EPHA5: variants seen among roughly 807,000 people sequenced by gnomAD.
EPHA5 encodes EPH receptor A5, also known as ephrin type-A receptor 5.
A neutral mutation model predicts 105.0 loss-of-function variants in EPHA5; 60 were observed. That is an observed-to-expected ratio of 0.57 (90% CI 0.46 to 0.71). The LOEUF (loss-of-function observed/expected upper bound fraction) is 0.71. Among genes scored for constraint, EPHA5 ranks in the 30% least tolerant of loss-of-function variants. The probability of loss-of-function intolerance (pLI) is 0.00; values close to 1 mark genes in which losing one functional copy is unlikely to be tolerated. For missense variants in EPHA5, 1,218 were observed against 1,274.7 expected (o/e 0.96, Z 0.68); for synonymous variants, 513 against 449.1 (o/e 1.14, Z -1.80).
At chr4:65,391,708 G>A (rs1720731526) in intron 8 of EPHA5, among the ~76,000 whole-genome samples, 1 of 152,124 alleles carries the variant, frequency 6.6e-6, no homozygotes, top group Non-Finnish European at 1.5e-5. Flanking sequence ...GTCTTCTGGA[G>A]TGCCAGCCTG....
At chr4:65,464,849 A>G (rs1360084016) in intron 5 of EPHA5, among the ~76,000 whole-genome samples, 1 of 152,114 alleles carries the variant, frequency 6.6e-6, no homozygotes, top group African/African-American at 2.4e-5. Context: ...ATAGCATTTA[A>G]ATGAATTACA....
rs779988410 is a variant in EPHA5 at position 65,490,546 on chromosome 4, A to T, written c.1233T>A (p.His411Gln). 6.2e-7 allele frequency: 1 copy of T among 1,614,006 alleles called. No individual in the cohort carries two copies. Among genetic ancestry groups the T allele is most frequent in the African/African-American group, 1.3e-5 (1 of 74,906 alleles). ...CGCTTTGCCGGGGAAGGTACCTGAC[A>T]TGACCGCCACACTCCTCACACACAC... is the stretch of plus-strand genomic sequence containing the variant. The part of the protein sequence containing the change: ...HAGVCEECGG[H>Q]VRYLPRQSGL... The change falls in exon 5 of 17, where the codon CAT becomes CAA. Residue 411 changes from histidine to glutamine, a missense_variant. Around this residue, in one of 3 missense-constraint regions of EPHA5, gnomAD observed 971 missense variants for 1,013.5 expected, o/e 0.96. Transcript: ENST00000613740.
chr4:65,651,157 A>G (rs930770363), intron 1 of EPHA5, among the ~76,000 whole-genome samples: 10 of 152,206 alleles, frequency 6.6e-5, no homozygotes, highest in African/African-American at 2.2e-4. Context: ...GAACTGATAC[A>G]GTCATCGAGA....
At chr4:65,551,875 T>G (rs1481180671) in intron 3 of EPHA5, among the ~76,000 whole-genome samples, 1 of 152,200 alleles carries the variant, frequency 6.6e-6, no homozygotes, top group Admixed American at 6.6e-5. Flanking sequence ...AGCTAATGGT[T>G]AATAAATTAC....
intron 1 of EPHA5, among the ~76,000 whole-genome samples, chr4:65,659,789 A>G (rs1749402185): frequency 6.6e-6 from 1 of 152,144 alleles, no homozygotes; most frequent in African/African-American, 2.4e-5. Context: ...TTACCTGTTT[A>G]TGCTCACCTA....
chr4:65,506,891 T>C (rs1733085639), intron 3 of EPHA5, among the ~76,000 whole-genome samples: 3 of 152,200 alleles, frequency 2.0e-5, no homozygotes, highest in African/African-American at 7.2e-5. Context: ...ATTTTGGCTT[T>C]TGTTGCCATT....
intron 4 of EPHA5, among the ~76,000 whole-genome samples, chr4:65,492,585 A>G (rs1158730381): frequency 1.3e-5 from 2 of 151,326 alleles, no homozygotes; most frequent in African/African-American, 4.9e-5. Flanking sequence ...CCATGTTTGA[A>G]TCCTATGAAT....
intron 3 of EPHA5, among the ~76,000 whole-genome samples, chr4:65,529,785 T>C (rs1220589769): frequency 1.3e-5 from 2 of 152,154 alleles, no homozygotes; most frequent in Non-Finnish European, 2.9e-5. Context: ...TACATTAAAT[T>C]GGTATGATTG....
intron 2 of EPHA5, among the ~76,000 whole-genome samples, chr4:65,628,676 G>C (rs1746360429): frequency 6.6e-6 from 1 of 152,106 alleles, no homozygotes; most frequent in African/African-American, 2.4e-5. Context: ...AACTAGAGAA[G>C]TTTGTTTAAT....
intron 16 of EPHA5, chr4:65,331,761 T>G: frequency 8.1e-7 from 1 of 1,234,150 alleles, no homozygotes; most frequent in Non-Finnish European, 1.0e-6. Context: ...ATGCCAATGT[T>G]ATTTGTTTGA....
intron 1 of EPHA5, among the ~76,000 whole-genome samples, chr4:65,659,168 C>T (rs563127183): frequency 6.6e-6 from 1 of 151,840 alleles, no homozygotes; most frequent in South Asian, 2.1e-4. Flanking sequence ...AAACTCTCCT[C>T]TATTTTTAAC....
chr4:65,319,972 T>C lies in EPHA5; in HGVS notation c.*4142A>G, dbSNP rs1162947428. 1 of 230,048 alleles carries C rather than the reference T, an allele frequency of 4.3e-6. No individual in the cohort carries two copies. Among genetic ancestry groups the C allele is most frequent in the Non-Finnish European group, 8.6e-6 (1 of 116,078 alleles). The allele number at this position is 230,048 out of a possible 1,614,324, so 14.3% of individuals were successfully genotyped here. ...CCCAGCCTGAATAAACATGACATTTTACCACCTTCAATTTTCTCCATTAAC... is the reference window on the plus strand; with the variant it reads ...CCCAGCCTGAATAAACATGACATTTCACCACCTTCAATTTTCTCCATTAAC... On this transcript the variant is annotated 3_prime_UTR_variant, in exon 17 of 17. Coordinates refer to ENST00000613740, the MANE Select transcript of EPHA5 (RefSeq NM_001281766.3).
chr4:65,625,081 G>T (rs1242693313), intron 2 of EPHA5, among the ~76,000 whole-genome samples: 1 of 152,134 alleles, frequency 6.6e-6, no homozygotes, highest in African/African-American at 2.4e-5. Context: ...TAGCACTAAT[G>T]ATGTTTAAGA....
chr4:65,510,788 G>C (rs544362888), intron 3 of EPHA5, among the ~76,000 whole-genome samples: 1 of 152,154 alleles, frequency 6.6e-6, no homozygotes, highest in Non-Finnish European at 1.5e-5. Flanking sequence ...TGAGGCACTG[G>C]CATGTGCCTG....
chr4:65,612,016 C>CTCA (rs1744810335), intron 2 of EPHA5, among the ~76,000 whole-genome samples: 1 of 58,104 alleles, frequency 1.7e-5, no homozygotes, highest in Non-Finnish European at 3.0e-5. Context: ...GACCCTCTCT[C>CTCA]AAAAAAAAAA....
intron 3 of EPHA5, among the ~76,000 whole-genome samples, chr4:65,521,736 C>T (rs1316179251): frequency 6.6e-6 from 1 of 151,990 alleles, no homozygotes; most frequent in East Asian, 1.9e-4. Context: ...GTCAGTGTTG[C>T]TGAAATATGC....
chr4:65,490,553 C>A lies in EPHA5; in HGVS notation c.1226G>T (p.Gly409Val). 1 of 1,614,110 alleles carries A rather than the reference C, an allele frequency of 6.2e-7. No individual in the cohort carries two copies. Among genetic ancestry groups the A allele is most frequent in the Non-Finnish European group, 8.5e-7 (1 of 1,180,006 alleles). ...CCGGGGAAGGTACCTGACATGACCG[C>A]CACACTCCTCACACACACCTGCATG... Reference protein sequence around the residue: ...NSHAGVCEECGGHVRYLPRQS... With the variant: ...NSHAGVCEECVGHVRYLPRQS... The change falls in exon 5 of 17, where the codon GGC (glycine) becomes GTC (valine). Residue 409 changes from glycine (G) to valine (V), a missense_variant. Gly to Val is a moderately radical substitution (Grantham distance 109, BLOSUM62 -3). This residue lies in a region of EPHA5 where 971 missense variants were observed against 1,013.5 expected (regional missense o/e 0.96). Coordinates refer to ENST00000613740, the MANE Select transcript of EPHA5 (RefSeq NM_001281766.3).
chr4:65,650,863 C>A lies in EPHA5; in HGVS notation c.182-7436G>T, dbSNP rs1748549268. On this transcript the variant is annotated intron_variant, in intron 1 of 16. Transcript: ENST00000613740. ...GATCTTTGTAAACCACCAATATAAT[C>A]ATGTCCCTCTCTTACTTCAATCTTG... Among the ~76,000 whole-genome samples, 3 of 152,288 alleles carry A rather than the reference C, an allele frequency of 2.0e-5. No individual in the cohort carries two copies. In the South Asian group the frequency reaches 6.2e-4, roughly 32 times the overall value.
At chr4:65,557,770 C>T (rs539992486) in intron 3 of EPHA5, among the ~76,000 whole-genome samples, 173 of 152,100 alleles carry the variant, frequency 1.1e-3, no homozygotes, top group Non-Finnish European at 2.1e-3. Context: ...AGGGAAGGAG[C>T]TGTAAAGGGC....
Sources: allele counts gnomAD v4.1 joint callset (sites outside exome capture counted in the v4.1 genomes callset), GRCh38; gene constraint gnomAD v4.1.1; regional missense constraint gnomAD v4.1.1; transcripts MANE v1.5; gene names NCBI Gene and HGNC (gene_info 2026-07-23, HGNC 2026-07-21).